The following SAMD4A variants were observed in gnomAD, a reference collection of about 807,000 sequenced individuals.
SAMD4A encodes the protein protein Smaug homolog 1.
SAMD4A carries 33 observed loss-of-function variants against 81.3 expected under a neutral mutation model. The observed-to-expected ratio is 0.41, with a 90% CI of 0.31 to 0.54. The LOEUF is 0.54. Among genes scored for constraint, SAMD4A ranks in the 20% least tolerant of loss-of-function variants. The pLI, the probability that SAMD4A is intolerant of heterozygous loss-of-function variation, is 0.37. For missense variants in SAMD4A, 854 were observed against 951.1 expected, an observed-to-expected ratio of 0.90 and a Z score of 1.34; for synonymous variants, 389 against 382.1, an observed-to-expected ratio of 1.02 and a Z score of -0.21.
chr14:54,660,036 G>T (rs552623461), intron 2 of SAMD4A, among the ~76,000 whole-genome samples: 1 of 151,548 alleles, frequency 6.6e-6, no homozygotes, highest in South Asian at 2.1e-4. Flanking sequence ...AGCCGAGATC[G>T]CCCCACTGCA....
chr14:54,775,236 G>A (rs1458644645), intron 10 of SAMD4A, 101 bp downstream of exon 10: 6 of 1,309,218 alleles, frequency 4.6e-6, no homozygotes, highest in Admixed American at 1.7e-5. Context: ...AGGCCAAAGG[G>A]GACTATGCTG....
intron 12 of SAMD4A, among the ~76,000 whole-genome samples, chr14:54,785,357 C>T (rs546493912): frequency 1.8e-4 from 28 of 152,276 alleles, no homozygotes; most frequent in Non-Finnish European, 3.4e-4. Flanking sequence ...AGGCCTTCAG[C>T]TCCCTCCTGG....
At chr14:54,565,634 A>AC (rs1414094934), upstream of SAMD4A, among the ~76,000 whole-genome samples, 1 of 151,478 alleles carries the variant, frequency 6.6e-6, no homozygotes, top group Non-Finnish European at 1.5e-5. This position sits in a 1 kb window ranked among gnomAD's most constrained non-coding sequence, Gnocchi z 5.4. Flanking sequence ...CACCTCGGCC[A>AC]CCCCGGGGCC....
chr14:54,760,445 C>A lies in SAMD4A; in HGVS notation c.1461C>A (p.Pro487=). The A allele has an allele frequency of 7.0e-7, 1 of 1,427,770 alleles. No individual in the cohort carries two copies. The highest frequency in any genetic ancestry group is 9.1e-7 in the Non-Finnish European group (1 of 1,100,432). 88.4% of individuals were successfully genotyped at this position (1,427,770 alleles called of 1,614,324 possible). A position where few individuals can be genotyped will look rare whatever the true frequency, so the allele number is the denominator to read the frequency against. Residue 487 remains proline, a synonymous_variant, in exon 7 of 13, where the codon CCC becomes CCA. Transcript: ENST00000554335. Reference sequence around the variant, plus strand: ...GCGATGGGGAGCTGGCCGTCGCCCCCCTGCCAGAGGGGGACCTCCCCGGGC... The same window carrying A: ...GCGATGGGGAGCTGGCCGTCGCCCCACTGCCAGAGGGGGACCTCCCCGGGC... ...SSCDGELAVA[P]LPEGDLPGQF...
chr14:54,700,951 G>C (rs1386216199), intron 2 of SAMD4A: 1 of 151,568 alleles, frequency 6.6e-6, no homozygotes, highest in African/African-American at 2.4e-5. Context: ...GGGTTCTAGA[G>C]ATGGATGGTA....
chr14:54,594,420 CA>C (rs11392875), intron 2 of SAMD4A, among the ~76,000 whole-genome samples: 6 of 145,670 alleles, frequency 4.1e-5, no homozygotes, highest in Non-Finnish European at 6.1e-5. Flanking sequence ...GAGACTGTCT[CA>C]AAAAAAAAAA....
At chr14:54,754,972 C>A in intron 6 of SAMD4A, 1 of 405,272 alleles carries the variant, frequency 2.5e-6, no homozygotes, top group Non-Finnish European at 3.4e-6. Flanking sequence ...ACCATATGAT[C>A]TCACAACCCA....
intron 11 of SAMD4A, among the ~76,000 whole-genome samples, chr14:54,779,789 G>C (rs2038954948): frequency 6.6e-6 from 1 of 151,258 alleles, no homozygotes; most frequent in Non-Finnish European, 1.5e-5. Flanking sequence ...ACAAGTTTTA[G>C]CTGTTTCCTG....
intron 2 of SAMD4A, among the ~76,000 whole-genome samples, chr14:54,669,019 A>C (rs949802141): frequency 2.0e-5 from 3 of 152,252 alleles, no homozygotes; most frequent in South Asian, 4.1e-4. Context: ...AGCAGAGGAC[A>C]TTTAGGTTAG....
chr14:54,789,097 G>A lies in SAMD4A; in HGVS notation c.*153G>A. On this transcript the variant is annotated 3_prime_UTR_variant, in exon 13 of 13. Transcript: ENST00000554335. ...CCGTTTTGATTTTGTGAGAGCGTAGGTCATCCTCGTAAACATATCAGTAGA... is the reference window on the plus strand; with the variant it reads ...CCGTTTTGATTTTGTGAGAGCGTAGATCATCCTCGTAAACATATCAGTAGA... The A allele has an allele frequency of 1.3e-6, 1 of 777,190 alleles. No individual in the cohort carries two copies. The highest frequency in any genetic ancestry group is 2.2e-6 in the Non-Finnish European group (1 of 455,336). The allele number at this position is 777,190 out of a possible 1,614,324, so 48.1% of individuals were successfully genotyped here. A position where few individuals can be genotyped will look rare whatever the true frequency, so the allele number is the denominator to read the frequency against.
chr14:54,633,978 T>G (rs1332797490), intron 2 of SAMD4A, among the ~76,000 whole-genome samples: 1 of 152,056 alleles, frequency 6.6e-6, no homozygotes, highest in Non-Finnish European at 1.5e-5. Flanking sequence ...ACATAATAGA[T>G]AGTCACTAAA....
intron 2 of SAMD4A, among the ~76,000 whole-genome samples, chr14:54,652,114 T>C (rs547594515): frequency 6.6e-6 from 1 of 152,362 alleles, no homozygotes; most frequent in South Asian, 2.1e-4. Context: ...CTTAAGCCTT[T>C]TAGGATCTAT....
chr14:54,780,785 T>TG (rs1236710542), intron 11 of SAMD4A, among the ~76,000 whole-genome samples: 1 of 152,152 alleles, frequency 6.6e-6, no homozygotes, highest in East Asian at 1.9e-4. Flanking sequence ...ACTGACCTTC[T>TG]GCAGGCTTAG....
At chr14:54,739,893 G>C (rs1226159142) in intron 4 of SAMD4A, among the ~76,000 whole-genome samples, 1 of 152,196 alleles carries the variant, frequency 6.6e-6, no homozygotes, top group Admixed American at 6.5e-5. Context: ...GATATGGCTG[G>C]GTGCGGTGGC....
chr14:54,739,252 G>A (rs975563189), intron 4 of SAMD4A, among the ~76,000 whole-genome samples: 6 of 151,752 alleles, frequency 4.0e-5, no homozygotes, highest in Non-Finnish European at 8.8e-5. Context: ...CAAAGGTTAA[G>A]GAATATACCA....
intron 5 of SAMD4A, among the ~76,000 whole-genome samples, chr14:54,750,174 A>C (rs1191409066): frequency 6.6e-6 from 1 of 152,248 alleles, no homozygotes; most frequent in African/African-American, 2.4e-5. Context: ...AGGAAAAAAA[A>C]CAAGAAATAA....
rs753975030 is a variant in SAMD4A, at chr14:54,784,611, G to A, written c.2119G>A (p.Ala707Thr). 3.1e-6 allele frequency: 5 copies of A among 1,613,732 alleles called. No homozygotes were observed. The highest frequency in any genetic ancestry group is 1.3e-5 in the African/African-American group (1 of 74,986). ...ESLCLSMTEH[A>T]LGDGVDRTST... The stretch of plus-strand genomic sequence containing the variant: ...GTTGTGCCTCAGTATGACCGAACAC[G>A]CCCTGGGAGGTGAGTGTGTTCTTCC... Residue 707 changes from alanine to threonine, a missense_variant, in exon 12 of 13, where the codon GCC becomes ACC. This residue lies in a region of SAMD4A where 428 missense variants were observed against 471.2 expected (regional missense o/e 0.91). Transcript: ENST00000554335.
chr14:54,702,035 A>T, intron 2 of SAMD4A, 27 bp from the exon 3 acceptor site: 1 of 1,608,140 alleles, frequency 6.2e-7, no homozygotes, highest in Non-Finnish European at 8.5e-7. Context: ...GTATTTGCTT[A>T]TTTGCCGTGT....
intron 2 of SAMD4A, among the ~76,000 whole-genome samples, chr14:54,606,182 G>GCT (rs2034194695): frequency 1.1e-5 from 1 of 92,460 alleles, no homozygotes; most frequent in African/African-American, 3.9e-5. Flanking sequence ...TTACTTCTGG[G>GCT]CTGTGTGTGT....
Sources: gnomAD v4.1 joint callset for allele counts (sites outside exome capture counted in the v4.1 genomes callset) on GRCh38, gnomAD v4.1.1 for gene constraint, gnomAD v4.1.1 regional missense constraint, Gnocchi (gnomAD v3.1) non-coding constraint, MANE v1.5 for transcripts, NCBI Gene and HGNC (gene_info 2026-07-23, HGNC 2026-07-21) for gene names.